SPTAN1: variants seen among roughly 807,000 people sequenced by gnomAD.
SPTAN1 encodes the protein spectrin alpha chain, non-erythrocytic 1.
In SPTAN1, 61 loss-of-function variants were observed where a neutral mutation model predicts 331.3. The ratio of observed to expected loss-of-function variants is 0.18; its 90% CI spans 0.15 to 0.23. The LOEUF (loss-of-function observed/expected upper bound fraction) is 0.23. SPTAN1 is among the 10% of genes least tolerant of loss of function. SPTAN1 has a pLI of 1.00. For missense variants in SPTAN1, 2,043 were observed against 3,147.9 expected (o/e 0.65, Z 8.40); for synonymous variants, 1,153 against 1,173.9 (o/e 0.98, Z 0.36).
intron 21 of SPTAN1, among the ~76,000 whole-genome samples, chr9:128,590,201 G>A (rs1026376132): frequency 6.6e-6 from 1 of 152,152 alleles, no homozygotes; most frequent in African/African-American, 2.4e-5. Flanking sequence ...GGAAACCTGT[G>A]ATTCTTATCT....
chr9:128,611,325 C>T (rs1856533227), intron 37 of SPTAN1, among the ~76,000 whole-genome samples: 1 of 152,012 alleles, frequency 6.6e-6, no homozygotes, highest in South Asian at 2.1e-4. Context: ...GAAAAATTAG[C>T]TGGGTGTGAT....
At position 128,607,930 on chromosome 9, in the gene SPTAN1, G is replaced by A. The variant is rs746913959; in HGVS notation, c.4225G>A (p.Gly1409Arg). ...EQFGQQLLAH[G>R]HYASPEIKQK... ...GTTTGGACAGCAGCTGTTGGCTCAC[G>A]GACACTATGCCAGCCCTGAGATCAA... Residue 1409 changes from glycine to arginine, a missense_variant, in exon 33 of 57, where the codon GGA becomes AGA. Transcript: ENST00000372739. 10 of 1,613,876 alleles carry A rather than the reference G, an allele frequency of 6.2e-6. No homozygotes were observed. The highest frequency in any genetic ancestry group is 5.3e-5 in the African/African-American group (4 of 74,858).
intron 19 of SPTAN1, among the ~76,000 whole-genome samples, chr9:128,586,509 G>A (rs1044798607): frequency 6.6e-6 from 1 of 151,918 alleles, no homozygotes; most frequent in Non-Finnish European, 1.5e-5. Context: ...ACCTTCAACC[G>A]TTAACATTTG....
At chr9:128,611,693 A>G in intron 37 of SPTAN1, 21 bp from the exon 38 acceptor site, 3 of 1,613,518 alleles carry the variant, frequency 1.9e-6, no homozygotes, top group Non-Finnish European at 2.5e-6. Context: ...GGTTTGGAAA[A>G]AATTTTTTTG....
At position 128,627,286 on chromosome 9, in the gene SPTAN1, C is replaced by T. The variant is rs1321416339; in HGVS notation, c.6577-100C>T. On this transcript the variant is annotated intron_variant, in intron 49 of 56. Transcript: ENST00000372739. The surrounding 1 kb of genome is among the most constrained non-coding windows in gnomAD (Gnocchi z 4.9). Reference sequence around the variant, plus strand: ...TCCTCCTCTCATCTTTGGGGAGGTTCCTTGTGGGGAGGCCACCACCACCCT... The same window carrying T: ...TCCTCCTCTCATCTTTGGGGAGGTTTCTTGTGGGGAGGCCACCACCACCCT... 9.6e-6 allele frequency: 10 copies of T among 1,038,324 alleles called. No individual in the cohort carries two copies. Among genetic ancestry groups the T allele is most frequent in the Admixed American group, 4.2e-5 (2 of 47,868 alleles). The allele number at this position is 1,038,324 out of a possible 1,614,324, so 64.3% of individuals were successfully genotyped here.
intron 51 of SPTAN1, chr9:128,628,277 C>G (rs1329603749): frequency 2.2e-6 from 1 of 455,174 alleles, no homozygotes; most frequent in Admixed American, 2.8e-5. Context: ...GTCCAGCCAC[C>G]GGGCTCTGTT....
intron 1 of SPTAN1, among the ~76,000 whole-genome samples, chr9:128,556,103 C>A (rs1222908840): frequency 1.3e-5 from 2 of 152,012 alleles, no homozygotes; most frequent in Non-Finnish European, 2.9e-5. Flanking sequence ...CCCCTGTAAT[C>A]CCAGCTACTT....
Position 128,583,942 on chromosome 9 carries a change from G to A in SPTAN1, c.2166G>A (p.Leu722=). The A allele has an allele frequency of 6.2e-7, 1 of 1,614,182 alleles. No individual in the cohort carries two copies. Among genetic ancestry groups the A allele is most frequent in the South Asian group, 1.1e-5 (1 of 91,086 alleles). ...AGAACCTCCAGAAGAAACATGCACT[G>A]CTAGAGGCAGATGTGGCTGCTCACC... ...NVQNLQKKHA[L]LEADVAAHQD... is the part of the protein sequence containing the mutation. Residue 722 remains leucine, a synonymous_variant, in exon 16 of 57, where the codon CTG becomes CTA. Transcript: ENST00000372739.
Position 128,618,086 on chromosome 9 carries a change from C to T in SPTAN1, c.5578C>T (p.Leu1860=), listed in dbSNP as rs1857397601. Residue 1860 remains leucine, a synonymous_variant, in exon 43 of 57, where the codon CTG becomes TTG. Coordinates refer to ENST00000372739, the MANE Select transcript of SPTAN1 (RefSeq NM_001130438.3). ...GCAGTTTGTGGAGCACTGGAAAGAG[C>T]TGAAGCAGCTGGCAGCTGCCCGGTG... The part of the protein sequence containing the change: ...LAQFVEHWKE[L]KQLAAARGQR... 1 of 1,613,692 alleles carries T rather than the reference C, an allele frequency of 6.2e-7. No individual in the cohort carries two copies. The highest frequency in any genetic ancestry group is 8.5e-7 in the Non-Finnish European group (1 of 1,179,928).
chr9:128,588,629 T>A (rs1052881257), intron 20 of SPTAN1, among the ~76,000 whole-genome samples, 180 bp from the exon 21 acceptor site: 4 of 152,072 alleles, frequency 2.6e-5, no homozygotes, highest in East Asian at 1.9e-4. Context: ...ATTTTTTTTT[T>A]AAAGATACCA....
intron 4 of SPTAN1, 23 bp from the exon 5 acceptor site, chr9:128,575,176 G>A: frequency 6.2e-7 from 1 of 1,614,100 alleles, no homozygotes; most frequent in Non-Finnish European, 8.5e-7. Flanking sequence ...GGTGACTCTG[G>A]CTCTCTTATG....
chr9:128,562,969 AAAAT>A (rs1849553530), intron 1 of SPTAN1, among the ~76,000 whole-genome samples: 1 of 130,180 alleles, frequency 7.7e-6, no homozygotes, highest in African/African-American at 2.9e-5. Flanking sequence ...CGTCTAAAAA[AAAAT>A]ATATATATAC....
intron 1 of SPTAN1, among the ~76,000 whole-genome samples, chr9:128,566,417 T>A (rs184764990): frequency 9.3e-4 from 142 of 152,308 alleles, no homozygotes; most frequent in Non-Finnish European, 1.6e-3. Flanking sequence ...TGCTGTTTCC[T>A]CTGAATCCTT....
Position 128,566,991 on chromosome 9 carries a change from C to G in SPTAN1, c.237+14C>G. 1 of 1,613,726 alleles carries G rather than the reference C, an allele frequency of 6.2e-7. No homozygotes were observed. ...ACCAACTTGCAGGTACGTCTGATCTCCTGGGATTCCTGCCAAAATTCAAGA... is the reference window on the plus strand; with the variant it reads ...ACCAACTTGCAGGTACGTCTGATCTGCTGGGATTCCTGCCAAAATTCAAGA... On this transcript the variant is annotated intron_variant, in intron 2 of 56. Transcript: ENST00000372739.
chr9:128,583,209 G>T lies in SPTAN1; in HGVS notation c.1939G>T (p.Asp647Tyr). Residue 647 changes from aspartate to tyrosine, a missense_variant, in exon 15 of 57, where the codon GAT (aspartate) becomes TAT (tyrosine). Coordinates refer to ENST00000372739, the MANE Select transcript of SPTAN1 (RefSeq NM_001130438.3). ...KLIDVNHYAK[D>Y]EVAARMNEVI... ...GATTGATGTCAACCACTATGCCAAG[G>T]ATGAAGTGGCAGCTCGTATGAATGA... 2 of 1,614,110 alleles carry T rather than the reference G, an allele frequency of 1.2e-6. No individual in the cohort carries two copies. The highest frequency in any genetic ancestry group is 1.7e-6 in the Non-Finnish European group (2 of 1,180,044).
At position 128,611,746 on chromosome 9, in the gene SPTAN1, A is replaced by G. The variant is rs1431726978; in HGVS notation, c.4806A>G (p.Ala1602=). 3 of 1,614,214 alleles carry G rather than the reference A, an allele frequency of 1.9e-6. No homozygotes were observed. The highest frequency in any genetic ancestry group is 2.5e-6 in the Non-Finnish European group (3 of 1,180,044). ...SKHQKHQAFE[A]ELHANADRIR... Reference sequence around the variant, plus strand: ...ACCAGAAGCACCAGGCTTTTGAAGCAGAGCTGCATGCCAACGCTGACCGGA... The same window carrying G: ...ACCAGAAGCACCAGGCTTTTGAAGCGGAGCTGCATGCCAACGCTGACCGGA... Residue 1602 remains alanine, a synonymous_variant, in exon 38 of 57, where the codon GCA becomes GCG. Transcript: ENST00000372739.
At position 128,602,190 on chromosome 9, in the gene SPTAN1, T is replaced by G. The variant is rs141137621; in HGVS notation, c.3580-1353T>G. 9.9e-3 allele frequency among the ~76,000 whole-genome samples: 1,397 copies of G among 141,812 alleles called. 19 individuals are homozygous for G. Among genetic ancestry groups the G allele is most frequent in the African/African-American group, 0.035 (1,306 of 37,316 alleles). 93.0% of individuals were successfully genotyped at this position (141,812 alleles called of 152,430 possible). On this transcript the variant is annotated intron_variant, in intron 27 of 56. Transcript: ENST00000372739. ...CAAGCTCAGCCCTCCTGCCCTCCTG[T>G]TTTTTTTTTTGTTTTTTTTGGGTTT...
rs1253302546 is a variant in SPTAN1, at chr9:128,633,648, A to T, written c.*314A>T. ...TTTTCATGTAAAAGACAAATAAATG[A>T]TGACTTCCCCCAAAGCTTTGCTTTT... On this transcript the variant is annotated 3_prime_UTR_variant, in exon 57 of 57. Transcript: ENST00000372739. 88 of 1,398,902 alleles carry T rather than the reference A, an allele frequency of 6.3e-5. No homozygotes were observed. The highest frequency in any genetic ancestry group is 8.2e-5 in the Non-Finnish European group (84 of 1,023,838). 86.7% of individuals were successfully genotyped at this position (1,398,902 alleles called of 1,614,324 possible). A position where few individuals can be genotyped will look rare whatever the true frequency, so the allele number is the denominator to read the frequency against.
chr9:128,632,587 C>T lies in SPTAN1; in HGVS notation c.7029C>T (p.Asp2343=). 1.2e-6 allele frequency: 2 copies of T among 1,614,120 alleles called. No homozygotes were observed. Among genetic ancestry groups the T allele is most frequent in the Non-Finnish European group, 1.7e-6 (2 of 1,180,042 alleles). The change falls in exon 55 of 57, where the codon GAC becomes GAT. Residue 2343 remains aspartate (D), a synonymous_variant. Transcript: ENST00000372739. The stretch of plus-strand genomic sequence containing the variant: ...TGTGCTGCAGACACTTTGACAAGGA[C>T]AAGTCTGGCAGGCTGAACCATCAGG... ...FSMMFKHFDK[D]KSGRLNHQEF... is the part of the protein sequence containing the mutation.
Sources: gnomAD v4.1 joint callset for allele counts (sites outside exome capture counted in the v4.1 genomes callset) on GRCh38, gnomAD v4.1.1 for gene constraint, Gnocchi (gnomAD v3.1) non-coding constraint, MANE v1.5 for transcripts, NCBI Gene and HGNC (gene_info 2026-07-23, HGNC 2026-07-21) for gene names.